Variants in WFDC1 observed in about 807,000 individuals in gnomAD.
WFDC1 encodes WAP four-disulfide core domain 1.
In WFDC1, 39 loss-of-function variants were observed where a neutral mutation model predicts 32.9. The ratio of observed to expected loss-of-function variants is 1.19; its 90% confidence interval spans 0.92 to 1.55. The LOEUF (loss-of-function observed/expected upper bound fraction) is 1.55, where lower values mean the gene tolerates loss of function less well. Ranked by LOEUF, WFDC1 falls within the 40% of genes most tolerant of loss-of-function variation. WFDC1 has a pLI of 0.00. For missense variants in WFDC1, 386 were observed against 309.5 expected (o/e 1.25, Z -1.85); for synonymous variants, 184 against 137.4 (o/e 1.34, Z -2.37).
intron 5 of WFDC1, chr16:84,326,627 C>T (rs1908617404): frequency 2.2e-6 from 1 of 463,046 alleles, no homozygotes; most frequent in Admixed American, 3.4e-5. Context: ...TTGGCCATCC[C>T]CAAAGCTGGA....
chr16:84,311,835 TG>T (rs1424030311), intron 1 of WFDC1, among the ~76,000 whole-genome samples: 1 of 151,292 alleles, frequency 6.6e-6, no homozygotes, highest in Non-Finnish European at 1.5e-5. Context: ...CCACAGCACC[TG>T]GCCCCTATAT....
chr16:84,294,896 T>G lies in WFDC1; in HGVS notation c.-76T>G, dbSNP rs1597654160. 1 of 1,560,134 alleles carries G rather than the reference T, an allele frequency of 6.4e-7. No individual in the cohort carries two copies. The highest frequency in any genetic ancestry group is 8.7e-7 in the Non-Finnish European group (1 of 1,153,946). ...GTCCAGCAGACTGTGCACGCTCCTGTCCCCACTCACAGGCCCACGCAGCGA... is the reference window on the plus strand; with the variant it reads ...GTCCAGCAGACTGTGCACGCTCCTGGCCCCACTCACAGGCCCACGCAGCGA... On this transcript the variant is annotated 5_prime_UTR_variant, in exon 1 of 7. Transcript: ENST00000219454.
At chr16:84,314,289 G>T (rs60604958) in intron 2 of WFDC1, among the ~76,000 whole-genome samples, 1 of 152,178 alleles carries the variant, frequency 6.6e-6, no homozygotes, top group Non-Finnish European at 1.5e-5. Flanking sequence ...CAGTAAGTGG[G>T]GAGTAGGGTA....
At position 84,294,947 on chromosome 16, in the gene WFDC1, T is replaced by G; in HGVS notation, c.-25T>G. On this transcript the variant is annotated 5_prime_UTR_variant, in exon 1 of 7. Coordinates refer to ENST00000219454, the MANE Select transcript of WFDC1 (RefSeq NM_021197.4). ...GGGGGGCCCCTCTTCTGTGTGCGTC[T>G]GGAAGGTCGCTGCCCAGGGAGGAAA... 1 of 1,604,890 alleles carries G rather than the reference T, an allele frequency of 6.2e-7. No homozygotes were observed. Among genetic ancestry groups the G allele is most frequent in the Non-Finnish European group, 8.5e-7 (1 of 1,175,236 alleles).
chr16:84,329,336 C>A lies in WFDC1; in HGVS notation c.*30C>A, dbSNP rs1215688824. 1 of 152,326 alleles carries A rather than the reference C, an allele frequency of 6.6e-6. No homozygotes were observed. Among genetic ancestry groups the A allele is most frequent in the Non-Finnish European group, 1.5e-5 (1 of 68,158 alleles). 9.4% of individuals were successfully genotyped at this position (152,326 alleles called of 1,614,324 possible). A position where few individuals can be genotyped will look rare whatever the true frequency, so the allele number is the denominator to read the frequency against. ...TTGCTTTCCAGCTAGGTTGCAAGAACATTCCTCTACTTTCTGCTAAGCCTT... is the reference window on the plus strand; with the variant it reads ...TTGCTTTCCAGCTAGGTTGCAAGAAAATTCCTCTACTTTCTGCTAAGCCTT... On this transcript the variant is annotated 3_prime_UTR_variant, in exon 7 of 7. Coordinates refer to ENST00000219454, the MANE Select transcript of WFDC1 (RefSeq NM_021197.4).
Position 84,322,531 on chromosome 16 carries a change from G to A in WFDC1, c.563-1888G>A, listed in dbSNP as rs115491341. On this transcript the variant is annotated intron_variant, in intron 4 of 6. Transcript: ENST00000219454. ...ATTCACCAGTTGTTAAAAAACTACCGTTACATTTTCCTTTATGCTCTCTCC... is the reference window on the plus strand; with the variant it reads ...ATTCACCAGTTGTTAAAAAACTACCATTACATTTTCCTTTATGCTCTCTCC... Among the ~76,000 whole-genome samples the A allele has an allele frequency of 3.6e-3, 550 of 152,200 alleles. 5 individuals are homozygous for A. Among genetic ancestry groups the A allele is most frequent in the African/African-American group, 0.013 (529 of 41,510 alleles).
intron 3 of WFDC1, 104 bp from the exon 4 acceptor site, chr16:84,319,327 G>A: frequency 6.7e-7 from 1 of 1,502,564 alleles, no homozygotes; most frequent in Non-Finnish European, 8.9e-7. Flanking sequence ...TCTGGGTGAG[G>A]TGCGTTCCCT....
rs1488762350 is a variant in WFDC1 at position 84,297,230 on chromosome 16, T to G, written c.144+2115T>G. 3.3e-5 allele frequency among the ~76,000 whole-genome samples: 5 copies of G among 152,266 alleles called. No homozygotes were observed. The East Asian group carries it at 9.7e-4, about 29-fold the overall frequency. On this transcript the variant is annotated intron_variant, in intron 1 of 6. Transcript: ENST00000219454. The stretch of plus-strand genomic sequence containing the variant: ...ACCACTGGTCAGGATGCAAGTGCTT[T>G]GAATTGGCTCCTCGCTGAATTGAAA...
intron 5 of WFDC1, among the ~76,000 whole-genome samples, chr16:84,325,491 C>T (rs912654953): frequency 6.6e-6 from 1 of 151,992 alleles, no homozygotes; most frequent in East Asian, 1.9e-4. Context: ...GCATGAGCCA[C>T]TGTGCCTGGC....
chr16:84,317,182 A>C, intron 2 of WFDC1: 1 of 151,956 alleles, frequency 6.6e-6, no homozygotes, highest in East Asian at 1.9e-4. Context: ...AATCCCAGCT[A>C]CTCGGGAGAC....
At chr16:84,300,039 G>A (rs1185306147) in intron 1 of WFDC1, among the ~76,000 whole-genome samples, 1 of 152,220 alleles carries the variant, frequency 6.6e-6, no homozygotes, top group African/African-American at 2.4e-5. Context: ...GCTCTTGAGA[G>A]CCTTCCAAAC....
intron 1 of WFDC1, among the ~76,000 whole-genome samples, chr16:84,306,253 C>T (rs1268678062): frequency 6.6e-6 from 1 of 152,124 alleles, no homozygotes; most frequent in Non-Finnish European, 1.5e-5. Flanking sequence ...GCGTCAGACT[C>T]CTACACCTGA....
chr16:84,313,246 C>T, intron 2 of WFDC1, 93 bp downstream of exon 2: 7 of 1,208,520 alleles, frequency 5.8e-6, no homozygotes, highest in South Asian at 2.5e-5. Context: ...GGGCTTAAAG[C>T]TGGGCCACCT....
chr16:84,312,302 A>G lies in WFDC1; in HGVS notation c.145-659A>G, dbSNP rs549528097. On this transcript the variant is annotated intron_variant, in intron 1 of 6. Coordinates refer to ENST00000219454, the MANE Select transcript of WFDC1 (RefSeq NM_021197.4). ...CAAGAAACAGAACAGAGCCAGTCCC[A>G]AGACCACGTGTTCCCAGCCAGTCAC... Among the ~76,000 whole-genome samples, 3 of 152,350 alleles carry G rather than the reference A, an allele frequency of 2.0e-5. 1 individual carries two copies. In the South Asian group the frequency reaches 6.2e-4, roughly 32 times the overall value.
At chr16:84,318,393 C>G in intron 3 of WFDC1, 38 bp downstream of exon 3, 2 of 1,597,868 alleles carry the variant, frequency 1.3e-6, no homozygotes, top group East Asian at 2.2e-5. Flanking sequence ...ACATCCAAGC[C>G]TCGATCCCTC....
At chr16:84,314,529 G>A (rs1257922137) in intron 2 of WFDC1, among the ~76,000 whole-genome samples, 1 of 152,148 alleles carries the variant, frequency 6.6e-6, no homozygotes, top group East Asian at 1.9e-4. Context: ...GCTGAGAGGA[G>A]AGTCAGAGAT....
chr16:84,299,097 A>G (rs1054749801), intron 1 of WFDC1, among the ~76,000 whole-genome samples: 11 of 152,218 alleles, frequency 7.2e-5, no homozygotes, highest in Admixed American at 2.0e-4. Context: ...ACAGTGGCTC[A>G]TGCCTGTAAT....
intron 1 of WFDC1, among the ~76,000 whole-genome samples, chr16:84,309,212 C>T (rs1033345432): frequency 6.6e-6 from 1 of 152,052 alleles, no homozygotes; most frequent in Non-Finnish European, 1.5e-5. Context: ...CATGTAAGGA[C>T]AAGGAGGGTC....
At chr16:84,306,598 T>C (rs1907273438) in intron 1 of WFDC1, among the ~76,000 whole-genome samples, 2 of 152,178 alleles carry the variant, frequency 1.3e-5, no homozygotes, top group South Asian at 2.1e-4. Flanking sequence ...TGCTTGCCCA[T>C]AGCACAGCCT....
Sources: allele counts gnomAD v4.1 joint callset (sites outside exome capture counted in the v4.1 genomes callset), GRCh38; gene constraint gnomAD v4.1.1; transcripts MANE v1.5; gene names NCBI Gene and HGNC (gene_info 2026-07-23, HGNC 2026-07-21).